The following SH3BGRL variants were observed in gnomAD, a reference collection of about 807,000 sequenced individuals.
The protein encoded by SH3BGRL is SH3 domain binding glutamate rich protein like.
Under a neutral mutation model 9.8 loss-of-function variants are expected in SH3BGRL, and 7 were observed. The observed-to-expected ratio is 0.72, with a 90% CI of 0.41 to 1.35. The LOEUF is 1.35. SH3BGRL is among the 40% of genes most tolerant of loss of function. The pLI is 0.01. For missense variants in SH3BGRL, 73 were observed against 84.4 expected, an observed-to-expected ratio of 0.86 and a Z score of 0.53; for synonymous variants, 36 against 29.1, an observed-to-expected ratio of 1.24 and a Z score of -0.76.
At chrX:81,261,541 C>G (rs759107976) in intron 1 of SH3BGRL, among the ~76,000 whole-genome samples, 56 of 110,937 alleles carry the variant, frequency 5.0e-4, no homozygotes, top group African/African-American at 1.8e-3. Flanking sequence ...TATGTGCGGT[C>G]AGAGCTCTAA....
chrX:81,277,137 C>T lies in SH3BGRL; in HGVS notation c.199C>T (p.Pro67Ser). 8.3e-7 allele frequency: 1 copy of T among 1,208,089 alleles called. No homozygotes were observed. The highest frequency in any genetic ancestry group is 1.1e-6 in the Non-Finnish European group (1 of 894,341). Reference sequence around the variant, plus strand: ...ACCAGCCACAGGTTACCCCCTGCCACCTCAGATTTTCAATGAAAGCCAGTA... The same window carrying T: ...ACCAGCCACAGGTTACCCCCTGCCATCTCAGATTTTCAATGAAAGCCAGTA... ...SRPATGYPLP[P>S]QIFNESQYRG... is the part of the protein sequence containing the mutation. Residue 67 changes from proline to serine, a missense_variant, in exon 2 of 4, where the codon CCT becomes TCT. Coordinates refer to ENST00000373212, the MANE Select transcript of SH3BGRL (RefSeq NM_003022.3).
intron 1 of SH3BGRL, among the ~76,000 whole-genome samples, chrX:81,203,928 A>G (rs2075537873): frequency 9.2e-6 from 1 of 109,028 alleles, no homozygotes; most frequent in Non-Finnish European, 1.9e-5. Flanking sequence ...CAGAGGGTAC[A>G]TGTGCAGATT....
intron 1 of SH3BGRL, among the ~76,000 whole-genome samples, chrX:81,226,534 CTCTA>C (rs1454204836): frequency 1.4e-4 from 14 of 101,579 alleles, no homozygotes; most frequent in African/African-American, 4.6e-4. Context: ...ATATCTCTCT[CTCTA>C]TATATATATA....
intron 1 of SH3BGRL, among the ~76,000 whole-genome samples, chrX:81,238,484 A>T (rs1850299485): frequency 8.9e-6 from 1 of 111,833 alleles, no homozygotes; most frequent in Non-Finnish European, 1.9e-5. Flanking sequence ...GTATAATAGA[A>T]CACCAGGTGG....
At chrX:81,250,678 A>C (rs1404194623) in intron 1 of SH3BGRL, among the ~76,000 whole-genome samples, 1 of 112,060 alleles carries the variant, frequency 8.9e-6, no homozygotes, top group Non-Finnish European at 1.9e-5. Flanking sequence ...ACAAACTTTC[A>C]AGGCCAAATT....
chrX:81,242,257 T>A (rs1007998364), intron 1 of SH3BGRL, among the ~76,000 whole-genome samples: 1 of 111,224 alleles, frequency 9.0e-6, no homozygotes, highest in South Asian at 3.8e-4. Flanking sequence ...CTGAAACAAA[T>A]CCACACATTT....
intron 1 of SH3BGRL, among the ~76,000 whole-genome samples, chrX:81,241,877 G>A (rs774866645): frequency 1.8e-5 from 2 of 112,410 alleles, no homozygotes; most frequent in African/African-American, 6.5e-5. Flanking sequence ...CATGGAGCTG[G>A]TACCTGTGCC....
chrX:81,222,499 A>T (rs2075603101), intron 1 of SH3BGRL, among the ~76,000 whole-genome samples: 1 of 110,334 alleles, frequency 9.1e-6, no homozygotes, highest in African/African-American at 3.3e-5. Context: ...AAAGGACATG[A>T]ACTTATCCTT....
At chrX:81,296,538 A>C (rs763430641) in intron 3 of SH3BGRL, among the ~76,000 whole-genome samples, 2 of 111,104 alleles carry the variant, frequency 1.8e-5, no homozygotes, top group South Asian at 7.6e-4. Flanking sequence ...TCAAGTATTG[A>C]TTTAGTGACA....
At chrX:81,236,023 C>T (rs1361133636) in intron 1 of SH3BGRL, among the ~76,000 whole-genome samples, 2 of 111,672 alleles carry the variant, frequency 1.8e-5, no homozygotes, top group East Asian at 5.6e-4. Context: ...CTACCCTGAC[C>T]AATCTGATGC....
intron 1 of SH3BGRL, among the ~76,000 whole-genome samples, chrX:81,271,032 G>A (rs753818272): frequency 1.9e-3 from 211 of 112,382 alleles, no homozygotes; most frequent in Non-Finnish European, 2.7e-3. Flanking sequence ...GCAAGGCTCC[G>A]TGGGCATGGG....
chrX:81,249,797 TA>T (rs2075703176), intron 1 of SH3BGRL, among the ~76,000 whole-genome samples: 1 of 111,402 alleles, frequency 9.0e-6, no homozygotes, highest in South Asian at 3.7e-4. Context: ...ACTATGCAAG[TA>T]GTTAGGAAGA....
At chrX:81,245,612 A>C in intron 1 of SH3BGRL, among the ~76,000 whole-genome samples, 1 of 112,010 alleles carries the variant, frequency 8.9e-6, no homozygotes, top group Non-Finnish European at 1.9e-5. Flanking sequence ...ACAAATTAAA[A>C]CATCTTAACT....
intron 3 of SH3BGRL, among the ~76,000 whole-genome samples, chrX:81,285,265 A>T (rs1405581846): frequency 2.7e-5 from 3 of 111,873 alleles, no homozygotes. Flanking sequence ...ATTGATAATA[A>T]AAGTTATATG....
At chrX:81,270,103 C>T (rs889847256) in intron 1 of SH3BGRL, among the ~76,000 whole-genome samples, 3 of 110,592 alleles carry the variant, frequency 2.7e-5, no homozygotes, top group African/African-American at 9.9e-5. Flanking sequence ...ACTTGTTATT[C>T]TACTTAGCCA....
intron 1 of SH3BGRL, among the ~76,000 whole-genome samples, chrX:81,273,522 T>C (rs1433557875): frequency 1.8e-5 from 2 of 111,995 alleles, no homozygotes; most frequent in African/African-American, 6.5e-5. Context: ...GAATTACTTC[T>C]GACAATCATT....
chrX:81,266,986 C>T (rs2075759224), intron 1 of SH3BGRL, among the ~76,000 whole-genome samples: 1 of 111,480 alleles, frequency 9.0e-6, no homozygotes, highest in Admixed American at 9.6e-5. Flanking sequence ...TGGGAGTTCA[C>T]TCATGGTTTG....
chrX:81,296,223 G>A (rs1474524003), intron 3 of SH3BGRL, among the ~76,000 whole-genome samples: 2 of 110,633 alleles, frequency 1.8e-5, no homozygotes, highest in African/African-American at 6.6e-5. Flanking sequence ...ATGGTGCTAA[G>A]CCATTAGAAA....
chrX:81,280,219 C>G (rs1443605710), intron 3 of SH3BGRL, among the ~76,000 whole-genome samples: 1 of 110,578 alleles, frequency 9.0e-6, no homozygotes, highest in Non-Finnish European at 1.9e-5. Context: ...GCCCCTCCCC[C>G]ACCTGATGGT....
Sources: gnomAD v4.1 joint callset for allele counts (sites outside exome capture counted in the v4.1 genomes callset) on GRCh38, gnomAD v4.1.1 for gene constraint, MANE v1.5 for transcripts, NCBI Gene and HGNC (gene_info 2026-07-23, HGNC 2026-07-21) for gene names.